Variants in MPDZ observed in about 807,000 individuals in gnomAD.
MPDZ encodes multiple PDZ domain protein.
Under a neutral mutation model 239.1 loss-of-function variants are expected in MPDZ, and 234 were observed. The observed-to-expected ratio is 0.98, with a 90% CI of 0.88 to 1.09. The LOEUF (loss-of-function observed/expected upper bound fraction) is 1.09. Among genes scored for constraint, MPDZ ranks in the 50% least tolerant of loss-of-function variants. MPDZ has a pLI of 0.00. For synonymous variants in MPDZ, 1,048 were observed against 881.3 expected (o/e 1.19, Z -3.35); for missense variants, 3,175 against 2,510.0 (o/e 1.26, Z -5.66).
At chr9:13,203,891 A>G (rs1380294810) in intron 12 of MPDZ, among the ~76,000 whole-genome samples, 2 of 152,098 alleles carry the variant, frequency 1.3e-5, no homozygotes, top group Non-Finnish European at 2.9e-5. Context: ...TATCACAAGT[A>G]TCATGCTCTA....
At position 13,109,927 on chromosome 9, in the gene MPDZ, C is replaced by T. The variant is rs776310353; in HGVS notation, c.5942+25G>A. ...CTTGATTCATAAGTGAAAAATGATACACTAATCATCATGTATGAACTCACC... is the reference window on the plus strand; with the variant it reads ...CTTGATTCATAAGTGAAAAATGATATACTAATCATCATGTATGAACTCACC... On this transcript the variant is annotated intron_variant, in intron 45 of 46. Coordinates refer to ENST00000319217, the MANE Select transcript of MPDZ (RefSeq NM_001378778.1). The T allele has an allele frequency of 4.5e-6, 7 of 1,559,836 alleles. No individual in the cohort carries two copies. The African/African-American group carries it at 5.4e-5, about 12-fold the overall frequency.
chr9:13,107,104 G>C lies in MPDZ; in HGVS notation c.6074C>G (p.Ala2025Gly), dbSNP rs765739195. The C allele has an allele frequency of 1.9e-6, 3 of 1,566,322 alleles. No individual in the cohort carries two copies. Among genetic ancestry groups the C allele is most frequent in the Non-Finnish European group, 8.7e-7 (1 of 1,145,348 alleles). ...YVKTVFAKGAASEDGRLKRGD... is the reference protein window; with the variant it reads ...YVKTVFAKGAGSEDGRLKRGD... ...CCTTTTCAGACGTCCGTCTTCAGAGGCTGCTCCCTGCAAATTATAAAGTAG... is the reference window on the plus strand; with the variant it reads ...CCTTTTCAGACGTCCGTCTTCAGAGCCTGCTCCCTGCAAATTATAAAGTAG... Residue 2025 changes from alanine to glycine, a missense_variant, in exon 47 of 47, where the codon GCC (alanine) becomes GGC (glycine). By Grantham distance (60) the Ala-to-Gly change is moderately conservative (BLOSUM62 0). Coordinates refer to ENST00000319217, the MANE Select transcript of MPDZ (RefSeq NM_001378778.1).
chr9:13,233,565 T>A (rs968722012), intron 3 of MPDZ, among the ~76,000 whole-genome samples: 1 of 152,128 alleles, frequency 6.6e-6, no homozygotes, highest in African/African-American at 2.4e-5. Flanking sequence ...ATATCTTGAT[T>A]TCGGTGAGGG....
At chr9:13,257,435 A>G (rs1275008204) in intron 1 of MPDZ, among the ~76,000 whole-genome samples, 1 of 152,006 alleles carries the variant, frequency 6.6e-6, no homozygotes, top group African/African-American at 2.4e-5. Context: ...TAAAGCCCAA[A>G]CTCTATCACA....
intron 3 of MPDZ, among the ~76,000 whole-genome samples, chr9:13,237,303 T>C (rs899974263): frequency 6.6e-6 from 1 of 151,520 alleles, no homozygotes; most frequent in Non-Finnish European, 1.5e-5. Flanking sequence ...GCCTGGCTAG[T>C]GGCACACACC....
At position 13,205,955 on chromosome 9, in the gene MPDZ, C is replaced by T; in HGVS notation, c.1435G>A (p.Asp479Asn). The T allele has an allele frequency of 6.2e-7, 1 of 1,607,880 alleles. No individual in the cohort carries two copies. The highest frequency in any genetic ancestry group is 8.5e-7 in the Non-Finnish European group (1 of 1,177,800). Residue 479 changes from aspartate to asparagine, a missense_variant, in exon 11 of 47, where the codon GAT becomes AAT. Coordinates refer to ENST00000319217, the MANE Select transcript of MPDZ (RefSeq NM_001378778.1). ...GCATTAACAGGAGACAAATCTGCAT[C>T]TTTTGTGACGTCTTCCCTTGACATG... ...ELMSREDVTKDADLSPVNASI... is the reference protein window; with the variant it reads ...ELMSREDVTKNADLSPVNASI...
intron 7 of MPDZ, among the ~76,000 whole-genome samples, chr9:13,220,242 G>C (rs1420005887): frequency 6.6e-6 from 1 of 151,946 alleles, no homozygotes; most frequent in Non-Finnish European, 1.5e-5. Flanking sequence ...AAGAACTCAT[G>C]TGCAGGTGAA....
chr9:13,271,998 G>C (rs1367848415), intron 1 of MPDZ, among the ~76,000 whole-genome samples: 3 of 152,108 alleles, frequency 2.0e-5, no homozygotes, highest in African/African-American at 7.2e-5. Context: ...GGGGTGGGTA[G>C]AGGAAAGGAC....
At chr9:13,272,687 A>G (rs1185652056) in intron 1 of MPDZ, among the ~76,000 whole-genome samples, 1 of 145,848 alleles carries the variant, frequency 6.9e-6, no homozygotes, top group Non-Finnish European at 1.5e-5. Flanking sequence ...ACATGGTGAA[A>G]CTCTGTTCCT....
rs76338265 is a variant in MPDZ, at chr9:13,171,590, G to A, written c.3056-3026C>T. Among the ~76,000 whole-genome samples the A allele has an allele frequency of 3.2e-4, 48 of 152,096 alleles. 1 individual carries two copies. In the East Asian group the frequency reaches 9.1e-3, roughly 29 times the overall value. ...CCAAACACCACATTATTAAGCAAGG[G>A]ACCACAGACTTATCAAAAAGCATCA... On this transcript the variant is annotated intron_variant, in intron 21 of 46. Transcript: ENST00000319217.
At chr9:13,266,836 G>A (rs1377177602) in intron 1 of MPDZ, among the ~76,000 whole-genome samples, 1 of 152,184 alleles carries the variant, frequency 6.6e-6, no homozygotes, top group African/African-American at 2.4e-5. Flanking sequence ...TGGGGGCAGA[G>A]AAAGAGAAGG....
At position 13,219,627 on chromosome 9, in the gene MPDZ, C is replaced by T. The variant is rs1158459969; in HGVS notation, c.1018G>A (p.Glu340Lys). The T allele has an allele frequency of 1.4e-5, 23 of 1,612,522 alleles. No individual in the cohort carries two copies. Among genetic ancestry groups the T allele is most frequent in the Non-Finnish European group, 2.0e-5 (23 of 1,179,156 alleles). The change falls in exon 8 of 47, where the codon GAA becomes AAA. Residue 340 changes from glutamate (E) to lysine (K), a missense_variant. Physicochemically the swap from Glu to Lys is moderately conservative, Grantham distance 56 (BLOSUM62 1). Transcript: ENST00000319217. ...CCCAAAGCAGTGGGTGCTGTACGTT[C>T]TTCTATGGCACCTCTTGCAATCATC... ...KLMIARGAIE[E>K]RTAPTALGIT...
At chr9:13,278,742 G>A (rs1011958967) in intron 1 of MPDZ, among the ~76,000 whole-genome samples, 1 of 152,090 alleles carries the variant, frequency 6.6e-6, no homozygotes, top group Non-Finnish European at 1.5e-5. Flanking sequence ...AGGGGTGAGG[G>A]ACGGGGCACC....
chr9:13,225,301 G>C (rs956163933), intron 3 of MPDZ, among the ~76,000 whole-genome samples: 6 of 151,998 alleles, frequency 3.9e-5, no homozygotes, highest in African/African-American at 1.2e-4. Context: ...TAGGTGTACA[G>C]TATTTATAAC....
chr9:13,205,148 A>G, intron 11 of MPDZ, 41 bp from the exon 12 acceptor site: 1 of 1,092,770 alleles, frequency 9.2e-7, no homozygotes, highest in Admixed American at 3.5e-5. Context: ...TCTTTAGTAT[A>G]ATCAAGTACT....
At chr9:13,224,174 C>T (rs574263068) in intron 4 of MPDZ, among the ~76,000 whole-genome samples, 200 bp downstream of exon 4, 3 of 152,090 alleles carry the variant, frequency 2.0e-5, no homozygotes, top group South Asian at 4.2e-4. Flanking sequence ...TATAATACAA[C>T]ATATAATACT....
chr9:13,221,105 A>C (rs1328764999), intron 7 of MPDZ, among the ~76,000 whole-genome samples: 1 of 152,016 alleles, frequency 6.6e-6, no homozygotes, highest in Non-Finnish European at 1.5e-5. Context: ...ACAATTATCA[A>C]ATCCATAACC....
chr9:13,265,333 G>A (rs140221182), intron 1 of MPDZ, among the ~76,000 whole-genome samples: 25 of 152,302 alleles, frequency 1.6e-4, no homozygotes, highest in African/African-American at 5.8e-4. Flanking sequence ...ACTTTGGGAC[G>A]CTGAGGCGGT....
At chr9:13,211,152 A>G (rs1957573582) in intron 10 of MPDZ, among the ~76,000 whole-genome samples, 1 of 152,102 alleles carries the variant, frequency 6.6e-6, no homozygotes, top group African/African-American at 2.4e-5. Flanking sequence ...GAAAAATTTT[A>G]TTACTAATTT....
Sources: allele counts gnomAD v4.1 joint callset (sites outside exome capture counted in the v4.1 genomes callset), GRCh38; gene constraint gnomAD v4.1.1; transcripts MANE v1.5; gene names NCBI Gene and HGNC (gene_info 2026-07-23, HGNC 2026-07-21).